Variants in SMYD1 observed in about 807,000 individuals in gnomAD.
SMYD1 encodes the protein SET and MYND domain containing 1.
Under a neutral mutation model 54.0 loss-of-function variants are expected in SMYD1, and 49 were observed. That is an observed-to-expected ratio of 0.91 (90% CI 0.72 to 1.15). The LOEUF is 1.15. Among genes scored for constraint, SMYD1 ranks in the 50% most tolerant of loss-of-function variants. The pLI is 0.00. For synonymous variants in SMYD1, 269 were observed against 234.2 expected, an observed-to-expected ratio of 1.15 and a Z score of -1.36; for missense variants, 653 against 639.6, an observed-to-expected ratio of 1.02 and a Z score of -0.23.
chr2:88,095,217 C>A (rs1329482310), intron 5 of SMYD1, among the ~76,000 whole-genome samples: 2 of 152,186 alleles, frequency 1.3e-5, no homozygotes, highest in Non-Finnish European at 2.9e-5. Flanking sequence ...CTCCTACTGG[C>A]CATTCATCAC....
chr2:88,098,770 A>T (rs927401138), intron 6 of SMYD1, among the ~76,000 whole-genome samples: 2 of 152,100 alleles, frequency 1.3e-5, no homozygotes, highest in Admixed American at 1.3e-4. Context: ...AGTTGGACTA[A>T]CTTATTAACC....
chr2:88,093,998 T>C (rs1674519902), intron 5 of SMYD1, among the ~76,000 whole-genome samples: 1 of 152,240 alleles, frequency 6.6e-6, no homozygotes, highest in African/African-American at 2.4e-5. Flanking sequence ...TTAATAAATA[T>C]TTATTCCTAG....
intron 1 of SMYD1, 116 bp downstream of exon 1, chr2:88,068,117 C>G: frequency 7.3e-7 from 1 of 1,377,132 alleles, no homozygotes; most frequent in Non-Finnish European, 9.8e-7. Context: ...GCTCTTTTTT[C>G]AACAAAATGG....
At chr2:88,102,424 C>G (rs1674741098) in intron 6 of SMYD1, among the ~76,000 whole-genome samples, 2 of 152,056 alleles carry the variant, frequency 1.3e-5, no homozygotes, top group Admixed American at 6.5e-5. Context: ...CCTAATGAGT[C>G]TAGATTTCAC....
At chr2:88,100,913 A>T (rs532885023) in intron 6 of SMYD1, among the ~76,000 whole-genome samples, 14 of 152,344 alleles carry the variant, frequency 9.2e-5, no homozygotes, top group African/African-American at 3.4e-4. Flanking sequence ...ACATAGAATA[A>T]CTAACTCCCG....
intron 9 of SMYD1, 137 bp from the exon 10 acceptor site, chr2:88,110,217 G>GTGTGTA: frequency 1.2e-6 from 1 of 822,984 alleles, no homozygotes; most frequent in Non-Finnish European, 1.9e-6. Flanking sequence ...GTGTGTGTGT[G>GTGTGTA]TGTGTGTGTG....
intron 1 of SMYD1, among the ~76,000 whole-genome samples, chr2:88,071,027 G>A (rs1250166191): frequency 2.2e-5 from 3 of 138,350 alleles, no homozygotes; most frequent in Non-Finnish European, 3.1e-5. Context: ...GTTATGTTTT[G>A]TTTTTGATCT....
intron 2 of SMYD1, among the ~76,000 whole-genome samples, chr2:88,085,038 C>T (rs1416509480): frequency 2.6e-5 from 4 of 152,076 alleles, no homozygotes; most frequent in African/African-American, 9.7e-5. Context: ...CTGTGAGCCA[C>T]CATGCCCGGA....
intron 1 of SMYD1, among the ~76,000 whole-genome samples, chr2:88,082,135 G>A (rs776712626): frequency 3.3e-5 from 5 of 152,032 alleles, no homozygotes; most frequent in Non-Finnish European, 5.9e-5. Context: ...ACCTTCTCAG[G>A]GAGGGTGCAC....
At position 88,110,886 on chromosome 2, in the gene SMYD1, T is replaced by C. The variant is rs1675005886; in HGVS notation, c.*374T>C. 5.8e-6 allele frequency: 1 copy of C among 173,904 alleles called. No homozygotes were observed. Among genetic ancestry groups the C allele is most frequent in the Admixed American group, 6.3e-5 (1 of 15,790 alleles). 10.8% of individuals were successfully genotyped at this position (173,904 alleles called of 1,614,324 possible). Reference sequence around the variant, plus strand: ...GAGGGTGCAGAGGAGGGAATGTGTCTGGTGTGTGATGTGTGTGTGTGCAGT... The same window carrying C: ...GAGGGTGCAGAGGAGGGAATGTGTCCGGTGTGTGATGTGTGTGTGTGCAGT... On this transcript the variant is annotated 3_prime_UTR_variant, in exon 10 of 10. Transcript: ENST00000419482.
chr2:88,074,922 G>C (rs1418227251), intron 1 of SMYD1, among the ~76,000 whole-genome samples: 1 of 152,210 alleles, frequency 6.6e-6, no homozygotes, highest in Non-Finnish European at 1.5e-5. Flanking sequence ...GGAATGGCAG[G>C]ATCAGCCCTG....
chr2:88,089,116 T>C (rs544116292), intron 3 of SMYD1, among the ~76,000 whole-genome samples: 1 of 152,196 alleles, frequency 6.6e-6, no homozygotes, highest in Non-Finnish European at 1.5e-5. Context: ...AGGTAGGCCA[T>C]CAGGCTGGAG....
chr2:88,112,022 A>G lies in SMYD1; in HGVS notation c.*1510A>G. On this transcript the variant is annotated 3_prime_UTR_variant, in exon 10 of 10. Coordinates refer to ENST00000419482, the MANE Select transcript of SMYD1 (RefSeq NM_198274.4). Reference sequence around the variant, plus strand: ...TCTGAGCACTACCCAGTGGCTGAAAACTCTGCAAATGGGCCACACTTTTGC... The same window carrying G: ...TCTGAGCACTACCCAGTGGCTGAAAGCTCTGCAAATGGGCCACACTTTTGC... The G allele has an allele frequency of 1.4e-6, 1 of 702,566 alleles. No individual in the cohort carries two copies. The highest frequency in any genetic ancestry group is 2.6e-6 in the Non-Finnish European group (1 of 384,740). 43.5% of individuals were successfully genotyped at this position (702,566 alleles called of 1,614,324 possible).
chr2:88,103,816 A>G (rs559574882), intron 7 of SMYD1, among the ~76,000 whole-genome samples: 35 of 152,234 alleles, frequency 2.3e-4, no homozygotes, highest in African/African-American at 7.7e-4. Context: ...TTCCATTCTC[A>G]TACTCTAAGA....
rs10170115 is a variant in SMYD1 at position 88,097,837 on chromosome 2, G to A, written c.888+1053G>A. Reference sequence around the variant, plus strand: ...CACACACACACATGCACACCCATGTGCATGCAAGCATACTCGGTTTCCATA... The same window carrying A: ...CACACACACACATGCACACCCATGTACATGCAAGCATACTCGGTTTCCATA... On this transcript the variant is annotated intron_variant, in intron 6 of 9. Coordinates refer to ENST00000419482, the MANE Select transcript of SMYD1 (RefSeq NM_198274.4). 6.7e-3 allele frequency among the ~76,000 whole-genome samples: 1,018 copies of A among 152,156 alleles called. 11 individuals carry two copies. The highest frequency in any genetic ancestry group is 0.023 in the African/African-American group (943 of 41,508).
At chr2:88,090,429 C>A (rs1674436364) in intron 3 of SMYD1, among the ~76,000 whole-genome samples, 1 of 152,158 alleles carries the variant, frequency 6.6e-6, no homozygotes, top group Non-Finnish European at 1.5e-5. Context: ...CACTTGGATG[C>A]CACATCAGTA....
rs534683195 is a variant in SMYD1 at position 88,108,953 on chromosome 2, C to G, written c.1314+414C>G. Among the ~76,000 whole-genome samples, 5 of 152,206 alleles carry G rather than the reference C, an allele frequency of 3.3e-5. No homozygotes were observed. In the East Asian group the frequency reaches 9.7e-4, roughly 29 times the overall value. The stretch of plus-strand genomic sequence containing the variant: ...AAGCAGATCTGGTGTGAACTCAGAG[C>G]GACAACTCACTCCTACCAAGTGGGT... On this transcript the variant is annotated intron_variant, in intron 9 of 9. Transcript: ENST00000419482.
In SMYD1 at chr2:88,108,390, A is replaced by G. The variant is rs1258309429; in HGVS notation, c.1165A>G (p.Asn389Asp). 1 of 1,598,618 alleles carries G rather than the reference A, an allele frequency of 6.3e-7. No individual in the cohort carries two copies. The highest frequency in any genetic ancestry group is 1.3e-5 in the African/African-American group (1 of 74,106). The change falls in exon 9 of 10, where the codon AAT becomes GAT. Residue 389 changes from asparagine (N) to aspartate (D), a missense_variant. Asn to Asp is a conservative substitution (Grantham distance 23, BLOSUM62 1). Transcript: ENST00000419482. ...CCACAGGAAGCTCTACCACCCCAACAATGCCCAACTGGGCATGGCCGTGAT... is the reference window on the plus strand; with the variant it reads ...CCACAGGAAGCTCTACCACCCCAACGATGCCCAACTGGGCATGGCCGTGAT... Reference protein sequence around the residue: ...DGYMKLYHPNNAQLGMAVMRA... With the variant: ...DGYMKLYHPNDAQLGMAVMRA...
Position 88,067,903 on chromosome 2 carries a change from C to A in SMYD1, c.39C>A (p.Thr13=). The part of the protein sequence containing the change: ...IGRMENVEVF[T]AEGKGRGLKA... ...GAATGGAGAACGTGGAGGTCTTCAC[C>A]GCTGAGGGCAAAGGAAGGGGTCTGA... Residue 13 remains threonine (T), a synonymous_variant, in exon 1 of 10, where the codon ACC becomes ACA. Transcript: ENST00000419482. 2 of 1,613,984 alleles carry A rather than the reference C, an allele frequency of 1.2e-6. No individual in the cohort carries two copies. The highest frequency in any genetic ancestry group is 1.7e-5 in the Admixed American group (1 of 59,988).
Sources: allele counts gnomAD v4.1 joint callset (sites outside exome capture counted in the v4.1 genomes callset), GRCh38; gene constraint gnomAD v4.1.1; transcripts MANE v1.5; gene names NCBI Gene and HGNC (gene_info 2026-07-23, HGNC 2026-07-21).